Variants in ARIH2 observed in about 807,000 individuals in gnomAD.
ARIH2 encodes E3 ubiquitin-protein ligase ARIH2.
ARIH2 carries 12 observed loss-of-function variants against 79.8 expected under a neutral mutation model. The observed-to-expected ratio is 0.15, with a 90% confidence interval of 0.10 to 0.24. The LOEUF (loss-of-function observed/expected upper bound fraction) is 0.24. Ranked by LOEUF, ARIH2 falls within the 10% of genes least tolerant of loss-of-function variation. The pLI, the probability that ARIH2 is intolerant of heterozygous loss-of-function variation, is 1.00. For synonymous variants in ARIH2, 224 were observed against 213.9 expected (o/e 1.05, Z -0.41); for missense variants, 301 against 618.3 (o/e 0.49, Z 5.44).
At chr3:48,941,506 T>A (rs1177533521) in intron 3 of ARIH2, among the ~76,000 whole-genome samples, 1 of 152,032 alleles carries the variant, frequency 6.6e-6, no homozygotes, top group Non-Finnish European at 1.5e-5. Flanking sequence ...GTGGTGGTAG[T>A]GGTAAAAAGG....
intron 3 of ARIH2, chr3:48,934,459 C>G (rs2086838731): frequency 1.0e-6 from 1 of 985,266 alleles, no homozygotes; most frequent in Non-Finnish European, 1.2e-6. Context: ...TGCTACTACT[C>G]ATGGGAAAGT....
Position 48,970,691 on chromosome 3 carries a change from A to G in ARIH2, c.757A>G (p.Asn253Asp). The G allele has an allele frequency of 6.2e-7, 1 of 1,613,788 alleles. No individual in the cohort carries two copies. The highest frequency in any genetic ancestry group is 8.5e-7 in the Non-Finnish European group (1 of 1,179,694). The part of the protein sequence containing the change: ...RARRVQCNRC[N>D]EVFCFKCRQM... ...TCGCCGAGTACAGTGCAATCGGTGC[A>G]ACGAGGTCTTCTGGTAAGAGTGAGT... The change falls in exon 8 of 16, where the codon AAC becomes GAC. Residue 253 changes from asparagine (N) to aspartate (D), a missense_variant. Around this residue, in one of 2 missense-constraint regions of ARIH2, gnomAD observed 223 missense variants for 349.4 expected, o/e 0.64. Coordinates refer to ENST00000356401, the MANE Select transcript of ARIH2 (RefSeq NM_006321.4).
chr3:48,969,015 C>T (rs2091993707), intron 7 of ARIH2, among the ~76,000 whole-genome samples: 4 of 152,134 alleles, frequency 2.6e-5, no homozygotes, highest in African/African-American at 2.4e-5. Flanking sequence ...TCCCGAGTAG[C>T]TGGGACTACA....
chr3:48,973,037 G>A (rs143075411), intron 8 of ARIH2, among the ~76,000 whole-genome samples: 12 of 152,326 alleles, frequency 7.9e-5, no homozygotes, highest in East Asian at 7.7e-4. Flanking sequence ...TTATTTGTGC[G>A]TGTTAGAGCA....
At chr3:48,932,255 T>A (rs760307804) in intron 3 of ARIH2, among the ~76,000 whole-genome samples, 10 of 152,142 alleles carry the variant, frequency 6.6e-5, no homozygotes, top group Non-Finnish European at 1.5e-4. Flanking sequence ...GAAGCATTAT[T>A]TGAGAATGAA....
At chr3:48,939,414 A>G (rs1392568271) in intron 3 of ARIH2, among the ~76,000 whole-genome samples, 5 of 152,118 alleles carry the variant, frequency 3.3e-5, no homozygotes, top group Non-Finnish European at 7.4e-5. Context: ...CTGTTTATGT[A>G]CACAGAGCTT....
intron 5 of ARIH2, 76 bp downstream of exon 5, chr3:48,965,058 G>A: frequency 2.8e-6 from 4 of 1,427,740 alleles, no homozygotes; most frequent in Non-Finnish European, 3.9e-6. Flanking sequence ...GTCCTTAAGA[G>A]CTATCTTTAC....
chr3:48,949,187 G>A (rs917099130), intron 3 of ARIH2: 2 of 441,750 alleles, frequency 4.5e-6, no homozygotes, highest in African/African-American at 2.0e-5. Flanking sequence ...GCACGATCTC[G>A]GCTCACTGCA....
At chr3:48,978,443 G>A (rs977541718) in intron 11 of ARIH2, among the ~76,000 whole-genome samples, 2 of 116,294 alleles carry the variant, frequency 1.7e-5, no homozygotes, top group South Asian at 6.4e-4. Context: ...GTGTGTGTGT[G>A]TGTGTGTGTG....
chr3:48,949,125 T>C (rs1378992267), intron 3 of ARIH2: 1 of 456,006 alleles, frequency 2.2e-6, no homozygotes, highest in Non-Finnish European at 4.4e-6. Flanking sequence ...TTTATTTATT[T>C]ATTTATTTTT....
At chr3:48,940,099 G>A (rs935151369) in intron 3 of ARIH2, among the ~76,000 whole-genome samples, 14 of 152,006 alleles carry the variant, frequency 9.2e-5, no homozygotes, top group African/African-American at 3.1e-4. Flanking sequence ...CCAGCTACTC[G>A]GGAGGCTGAG....
At chr3:48,930,248 T>C (rs539545911) in intron 3 of ARIH2, among the ~76,000 whole-genome samples, 2 of 152,328 alleles carry the variant, frequency 1.3e-5, no homozygotes, top group South Asian at 2.1e-4. Context: ...AGGAATCATA[T>C]ACAAAGTTTT....
At chr3:48,946,811 C>T (rs975683431) in intron 3 of ARIH2, among the ~76,000 whole-genome samples, 1 of 152,082 alleles carries the variant, frequency 6.6e-6, no homozygotes, top group Non-Finnish European at 1.5e-5. Context: ...TCTGCTCAGA[C>T]CCCATCTTTG....
intron 3 of ARIH2, among the ~76,000 whole-genome samples, chr3:48,943,993 T>C (rs2088747119): frequency 6.6e-6 from 1 of 152,174 alleles, no homozygotes; most frequent in South Asian, 2.1e-4. Context: ...TGATGTCAGC[T>C]CCCATCTGCA....
chr3:48,919,006 C>T lies in ARIH2; in HGVS notation c.-162+8C>T. 3 of 1,436,962 alleles carry T rather than the reference C, an allele frequency of 2.1e-6. No homozygotes were observed. Among genetic ancestry groups the T allele is most frequent in the Non-Finnish European group, 2.7e-6 (3 of 1,101,192 alleles). 89.0% of individuals were successfully genotyped at this position (1,436,962 alleles called of 1,614,324 possible). On this transcript the variant is annotated splice_region_variant and intron_variant, in intron 1 of 15. Transcript: ENST00000356401. ...GCGAGGCCGCAGCTCCCGGTAAGTG[C>T]GCGGCGCACGTCACGGCCTTGTTTA...
At chr3:48,945,969 A>G (rs2089068698) in intron 3 of ARIH2, among the ~76,000 whole-genome samples, 1 of 152,166 alleles carries the variant, frequency 6.6e-6, no homozygotes, top group Admixed American at 6.5e-5. Flanking sequence ...AGAGATTCAA[A>G]GTTTTATCTT....
chr3:48,964,529 G>C (rs2107560049), intron 4 of ARIH2, among the ~76,000 whole-genome samples: 1 of 151,530 alleles, frequency 6.6e-6, no homozygotes, highest in Middle Eastern at 3.4e-3. Context: ...TGGCCAGGCT[G>C]GTCTCAAACT....
At chr3:48,920,090 CT>C (rs1232239651) in intron 1 of ARIH2, among the ~76,000 whole-genome samples, 1 of 151,432 alleles carries the variant, frequency 6.6e-6, no homozygotes, top group African/African-American at 2.4e-5. Context: ...AGTGATCCTC[CT>C]TTCTTAGCCT....
chr3:48,946,107 C>T (rs573598813), intron 3 of ARIH2, among the ~76,000 whole-genome samples: 7 of 152,216 alleles, frequency 4.6e-5, no homozygotes, highest in Admixed American at 2.6e-4. Context: ...CTGCTAACCA[C>T]GTCAGTAACA....
Sources: gnomAD v4.1 joint callset for allele counts (sites outside exome capture counted in the v4.1 genomes callset) on GRCh38, gnomAD v4.1.1 for gene constraint, gnomAD v4.1.1 regional missense constraint, MANE v1.5 for transcripts, NCBI Gene and HGNC (gene_info 2026-07-23, HGNC 2026-07-21) for gene names.